The following AHCTF1 variants were observed in gnomAD, a reference collection of about 807,000 sequenced individuals.
AHCTF1 encodes the protein protein ELYS.
In AHCTF1, 24 loss-of-function variants were observed where a neutral mutation model predicts 248.4. The ratio of observed to expected loss-of-function variants is 0.10; its 90% CI spans 0.07 to 0.14. The LOEUF (loss-of-function observed/expected upper bound fraction) is 0.14. Ranked by LOEUF, AHCTF1 falls within the 10% of genes least tolerant of loss-of-function variation. The pLI is 1.00. For missense variants in AHCTF1, 2,206 were observed against 2,636.2 expected, an observed-to-expected ratio of 0.84 and a Z score of 3.57; for synonymous variants, 786 against 929.8, an observed-to-expected ratio of 0.85 and a Z score of 2.81.
chr1:246,893,286 A>G (rs1288730013), intron 14 of AHCTF1, among the ~76,000 whole-genome samples: 4 of 152,234 alleles, frequency 2.6e-5, no homozygotes, highest in Admixed American at 6.5e-5. Context: ...CAACAGTTTC[A>G]TAAGTATAGT....
At chr1:246,893,340 T>A (rs1249057410) in intron 14 of AHCTF1, among the ~76,000 whole-genome samples, 1 of 152,230 alleles carries the variant, frequency 6.6e-6, no homozygotes, top group African/African-American at 2.4e-5. Context: ...CGAACTTGAT[T>A]GGTTTAAAAA....
chr1:246,894,885 T>C (rs1446835565), intron 13 of AHCTF1, 137 bp from the exon 14 acceptor site: 6 of 703,916 alleles, frequency 8.5e-6, no homozygotes, highest in African/African-American at 5.4e-5. Context: ...CTTGGGAAAA[T>C]GGACTTTCTC....
chr1:246,883,238 G>T (rs1663582490), intron 21 of AHCTF1, among the ~76,000 whole-genome samples: 2 of 152,118 alleles, frequency 1.3e-5, no homozygotes, highest in South Asian at 4.1e-4. Context: ...AATCATTTGG[G>T]TGTTGGACTA....
At chr1:246,888,948 T>C (rs79212166) in intron 17 of AHCTF1, among the ~76,000 whole-genome samples, 3,137 of 152,206 alleles carry the variant, frequency 0.021, 122 homozygotes, top group African/African-American at 0.072. Flanking sequence ...CTAGTTAGCA[T>C]GATGAGAACT....
chr1:246,888,594 A>C, intron 17 of AHCTF1, 77 bp from the exon 18 acceptor site: 1 of 1,506,268 alleles, frequency 6.6e-7, no homozygotes, highest in Non-Finnish European at 9.0e-7. Flanking sequence ...CAAAATATTA[A>C]AAGTAATAAT....
At position 246,851,047 on chromosome 1, in the gene AHCTF1, T is replaced by C; in HGVS notation, c.4959A>G (p.Lys1653=). The C allele has an allele frequency of 2.5e-6, 4 of 1,614,006 alleles. No individual in the cohort carries two copies. The highest frequency in any genetic ancestry group is 3.4e-6 in the Non-Finnish European group (4 of 1,179,864). ...SAVTSDQKSQ[K]VDTLPYVPEP... ...CAGGCACATATGGTAAAGTGTCTAC[T>C]TTTTGGGACTTTTGGTCACTAGTTA... The change falls in exon 33 of 36, where the codon AAA becomes AAG. Residue 1653 remains lysine (K), a synonymous_variant. Transcript: ENST00000648844.
Position 246,851,292 on chromosome 1 carries a change from C to G in AHCTF1, c.4714G>C (p.Asp1572His), listed in dbSNP as rs754331331. Residue 1572 changes from aspartate (D) to histidine (H), a missense_variant, in exon 33 of 36, where the codon GAC becomes CAC. Asp to His is a moderately conservative substitution (Grantham distance 81, BLOSUM62 -1). This residue lies in a region of AHCTF1 where 955 missense variants were observed against 1,055.6 expected (regional missense o/e 0.90). Transcript: ENST00000648844. ...TCAGCAATGTCACATTCAGCAGTGT[C>G]TTTGTTATCAGCTAAGTCACAAAAC... ...QQFCDLADNK[D>H]TAECDIAEVD... The G allele has an allele frequency of 6.2e-7, 1 of 1,614,042 alleles. No individual in the cohort carries two copies. Among genetic ancestry groups the G allele is most frequent in the Non-Finnish European group, 8.5e-7 (1 of 1,179,938 alleles).
intron 24 of AHCTF1, among the ~76,000 whole-genome samples, chr1:246,874,013 ACTGCCAC>A (rs1662776446): frequency 6.6e-6 from 1 of 152,204 alleles, no homozygotes; most frequent in Admixed American, 6.5e-5. Context: ...TGCTTCTGAC[ACTGCCAC>A]CTGCCACCTC....
intron 24 of AHCTF1, among the ~76,000 whole-genome samples, chr1:246,869,226 G>A (rs559640010): frequency 4.9e-4 from 75 of 152,124 alleles, no homozygotes; most frequent in Middle Eastern, 3.4e-3. Context: ...TTCCAACAGC[G>A]TGTACTTACT....
At chr1:246,874,372 CAA>C (rs1200904406) in intron 24 of AHCTF1, among the ~76,000 whole-genome samples, 2 of 152,110 alleles carry the variant, frequency 1.3e-5, no homozygotes, top group African/African-American at 4.8e-5. Context: ...GCCAAGCAAA[CAA>C]AAAGTGACTG....
chr1:246,896,224 C>T (rs1203641361), intron 12 of AHCTF1, among the ~76,000 whole-genome samples: 2 of 152,138 alleles, frequency 1.3e-5, no homozygotes, highest in South Asian at 2.1e-4. Flanking sequence ...TAGGTATATA[C>T]CAAAAAGAAA....
chr1:246,911,886 T>C (rs563559405), intron 4 of AHCTF1, among the ~76,000 whole-genome samples: 48 of 152,282 alleles, frequency 3.2e-4, no homozygotes, highest in African/African-American at 1.2e-3. Flanking sequence ...CAGATGATTT[T>C]GGCTCTTCCA....
intron 29 of AHCTF1, among the ~76,000 whole-genome samples, chr1:246,858,400 A>G (rs147752536): frequency 3.9e-5 from 6 of 152,338 alleles, no homozygotes; most frequent in Non-Finnish European, 5.9e-5. Flanking sequence ...AAAAAAGTAG[A>G]TAAGAAAACT....
At chr1:246,930,000 C>A (rs1176844919) in intron 1 of AHCTF1, among the ~76,000 whole-genome samples, 1 of 150,008 alleles carries the variant, frequency 6.7e-6, no homozygotes, top group African/African-American at 2.5e-5. Flanking sequence ...TGCAGTGAGC[C>A]AAGATTGTGC....
intron 8 of AHCTF1, among the ~76,000 whole-genome samples, chr1:246,901,080 T>C (rs1361393426): frequency 6.6e-6 from 1 of 151,706 alleles, no homozygotes; most frequent in Non-Finnish European, 1.5e-5. Context: ...TGGCTCACAC[T>C]TGTAATCCCA....
intron 6 of AHCTF1, 137 bp downstream of exon 6, chr1:246,905,402 CGA>C: frequency 1.6e-6 from 1 of 616,074 alleles, no homozygotes; most frequent in East Asian, 3.0e-5. Context: ...GGAGGCTGAG[CGA>C]GAGAATGGCA....
chr1:246,930,006 T>G (rs556658509), intron 1 of AHCTF1, among the ~76,000 whole-genome samples: 1 of 151,098 alleles, frequency 6.6e-6, no homozygotes, highest in Non-Finnish European at 1.5e-5. Flanking sequence ...GAGCCAAGAT[T>G]GTGCCACTGC....
At position 246,905,646 on chromosome 1, in the gene AHCTF1, T is replaced by C; in HGVS notation, c.776A>G (p.Gln259Arg). The change falls in exon 6 of 36, where the codon CAA becomes CGA. Residue 259 changes from glutamine (Q) to arginine (R), a missense_variant. Transcript: ENST00000648844. ...MKSMKREYYI[Q>R]LESGQVPVYA... ...TACAGGAACTTGTCCACTTTCCAAT[T>C]GTATGTAATATCTGAAACAAATTAG... 1 of 1,608,588 alleles carries C rather than the reference T, an allele frequency of 6.2e-7. No individual in the cohort carries two copies. Among genetic ancestry groups the C allele is most frequent in the Non-Finnish European group, 8.5e-7 (1 of 1,175,292 alleles).
At chr1:246,870,685 T>C (rs1662525532) in intron 24 of AHCTF1, among the ~76,000 whole-genome samples, 1 of 146,292 alleles carries the variant, frequency 6.8e-6, no homozygotes, top group Non-Finnish European at 1.5e-5. Flanking sequence ...ATAAATACTG[T>C]ACCCTAAACT....
Sources: gnomAD v4.1 joint callset for allele counts (sites outside exome capture counted in the v4.1 genomes callset) on GRCh38, gnomAD v4.1.1 for gene constraint, gnomAD v4.1.1 regional missense constraint, MANE v1.5 for transcripts, NCBI Gene and HGNC (gene_info 2026-07-23, HGNC 2026-07-21) for gene names.